Variants in ELAPOR2 observed in about 807,000 individuals in gnomAD.
The protein encoded by ELAPOR2 is endosome/lysosome-associated apoptosis and autophagy regulator family member 2.
ELAPOR2 carries 89 observed loss-of-function variants against 120.7 expected under a neutral mutation model. The observed-to-expected ratio is 0.74, with a 90% CI of 0.62 to 0.88. ELAPOR2 has a LOEUF of 0.88. ELAPOR2 is among the 40% of genes least tolerant of loss of function. The pLI is 0.00. For synonymous variants in ELAPOR2, 444 were observed against 444.9 expected, an observed-to-expected ratio of 1.00 and a Z score of 0.03; for missense variants, 1,134 against 1,251.6, an observed-to-expected ratio of 0.91 and a Z score of 1.42.
chr7:87,053,576 T>C (rs1795178216), intron 1 of ELAPOR2, among the ~76,000 whole-genome samples: 1 of 152,108 alleles, frequency 6.6e-6, no homozygotes, highest in African/African-American at 2.4e-5. Flanking sequence ...TTTAGCTGGG[T>C]GCCCTTGGAG....
chr7:86,921,779 G>A (rs538400812), intron 10 of ELAPOR2, among the ~76,000 whole-genome samples: 1 of 152,188 alleles, frequency 6.6e-6, no homozygotes, highest in East Asian at 1.9e-4. Flanking sequence ...AAAGACACAC[G>A]CAGGGTAATG....
At chr7:87,053,163 T>C (rs1451440283) in intron 1 of ELAPOR2, among the ~76,000 whole-genome samples, 1 of 152,182 alleles carries the variant, frequency 6.6e-6, no homozygotes, top group Non-Finnish European at 1.5e-5. Context: ...TGATTAGAAT[T>C]AAATGTACCA....
chr7:86,893,117 A>G lies in ELAPOR2; in HGVS notation c.2686-17T>C, dbSNP rs1321750517. On this transcript the variant is annotated splice_polypyrimidine_tract_variant and intron_variant, in intron 19 of 21. Transcript: ENST00000450689. ...CAAGGTTTCCTTTAAAAAAAAAAAC[A>G]TAAAACCATAGAAGACATGAGAAAT... 6 of 1,491,662 alleles carry G rather than the reference A, an allele frequency of 4.0e-6. No individual in the cohort carries two copies. Among genetic ancestry groups the G allele is most frequent in the Non-Finnish European group, 5.4e-6 (6 of 1,114,176 alleles). The allele number at this position is 1,491,662 out of a possible 1,614,324, so 92.4% of individuals were successfully genotyped here. A position where few individuals can be genotyped will look rare whatever the true frequency, so the allele number is the denominator to read the frequency against.
intron 2 of ELAPOR2, among the ~76,000 whole-genome samples, chr7:86,949,537 C>T (rs1304539372): frequency 6.6e-6 from 1 of 152,156 alleles, no homozygotes; most frequent in East Asian, 1.9e-4. Context: ...AGGAGCTCCA[C>T]CATCCTGAGC....
At chr7:87,055,551 T>G (rs533165901) in intron 1 of ELAPOR2, among the ~76,000 whole-genome samples, 71 of 152,274 alleles carry the variant, frequency 4.7e-4, no homozygotes, top group Non-Finnish European at 9.0e-4. Context: ...ATCTGTGCTC[T>G]TCACCTGAAA....
intron 1 of ELAPOR2, among the ~76,000 whole-genome samples, chr7:87,038,101 A>T (rs1254371091): frequency 6.6e-6 from 1 of 152,256 alleles, no homozygotes. Context: ...ATGAATAGTC[A>T]TGAAATATCT....
chr7:86,904,223 C>T (rs1395071595), intron 18 of ELAPOR2, among the ~76,000 whole-genome samples: 2 of 152,060 alleles, frequency 1.3e-5, no homozygotes, highest in Non-Finnish European at 2.9e-5. Flanking sequence ...TTTAATAAGG[C>T]CTTTTTATAC....
chr7:87,002,534 C>T lies in ELAPOR2; in HGVS notation c.190-37510G>A, dbSNP rs1416157260. The stretch of plus-strand genomic sequence containing the variant: ...TCTTAGAGTAGGCAAAGGATGCTAC[C>T]AGGCATCATTTCCTCCATGAAGGCA... On this transcript the variant is annotated intron_variant, in intron 1 of 21. Transcript: ENST00000450689. 4.6e-5 allele frequency among the ~76,000 whole-genome samples: 7 copies of T among 152,048 alleles called. No homozygotes were observed. In the East Asian group the frequency reaches 1.2e-3, roughly 25 times the overall value.
intron 1 of ELAPOR2, among the ~76,000 whole-genome samples, chr7:87,044,545 G>T (rs1332433492): frequency 6.8e-6 from 1 of 146,562 alleles, no homozygotes; most frequent in Admixed American, 6.8e-5. Flanking sequence ...GGGAAAACTG[G>T]CTAGCCATAT....
chr7:86,966,891 T>C (rs551512759), intron 1 of ELAPOR2, among the ~76,000 whole-genome samples: 102 of 152,260 alleles, frequency 6.7e-4, no homozygotes, highest in African/African-American at 2.4e-3. Flanking sequence ...TGTGGTACCA[T>C]TGCCTTCTCC....
chr7:86,880,536 A>G lies in ELAPOR2; in HGVS notation c.3031-6T>C. The G allele has an allele frequency of 6.4e-7, 1 of 1,561,126 alleles. No individual in the cohort carries two copies. ...TCAAAATGGTCTTCTTTTTCCTAAG[A>G]AAAAATATTAAAGACAAAATCAACT... On this transcript the variant is annotated splice_region_variant and splice_polypyrimidine_tract_variant and intron_variant, in intron 21 of 21. Coordinates refer to ENST00000450689, the MANE Select transcript of ELAPOR2 (RefSeq NM_001142749.3).
chr7:86,938,275 C>A lies in ELAPOR2; in HGVS notation c.1001-61G>T, dbSNP rs1790648893. 3.9e-6 allele frequency: 5 copies of A among 1,266,778 alleles called. No individual in the cohort carries two copies. In the Admixed American group the frequency reaches 8.8e-5, roughly 22 times the overall value. The allele number at this position is 1,266,778 out of a possible 1,614,324, so 78.5% of individuals were successfully genotyped here. On this transcript the variant is annotated intron_variant, in intron 7 of 21. Coordinates refer to ENST00000450689, the MANE Select transcript of ELAPOR2 (RefSeq NM_001142749.3). Reference sequence around the variant, plus strand: ...ATTATTTTGCAACTCTAAGAAAAGGCAAAAAAGCAAAACAGAAAAAGCAAC... The same window carrying A: ...ATTATTTTGCAACTCTAAGAAAAGGAAAAAAAGCAAAACAGAAAAAGCAAC...
intron 1 of ELAPOR2, among the ~76,000 whole-genome samples, chr7:87,009,926 G>A (rs773593522): frequency 2.6e-5 from 4 of 152,080 alleles, no homozygotes; most frequent in African/African-American, 9.7e-5. Context: ...TTTAAAATCT[G>A]TATATAAAAT....
At chr7:86,955,734 C>A (rs1176950898) in intron 2 of ELAPOR2, among the ~76,000 whole-genome samples, 2 of 151,972 alleles carry the variant, frequency 1.3e-5, no homozygotes, top group Non-Finnish European at 2.9e-5. Context: ...TGATCCAAAC[C>A]ATCCCAATTC....
intron 18 of ELAPOR2, among the ~76,000 whole-genome samples, chr7:86,906,894 T>A (rs566278736): frequency 3.6e-4 from 54 of 151,916 alleles, no homozygotes; most frequent in African/African-American, 1.2e-3. Context: ...TAATAATTTT[T>A]AAAATAAAAT....
intron 1 of ELAPOR2, among the ~76,000 whole-genome samples, chr7:87,027,646 T>C (rs1260367846): frequency 1.3e-5 from 2 of 152,040 alleles, no homozygotes; most frequent in Non-Finnish European, 2.9e-5. Flanking sequence ...GAGATAAGCA[T>C]AGAGTGAGGA....
In ELAPOR2 at chr7:87,023,329, C is replaced by T. The variant is rs569545758; in HGVS notation, c.189+35996G>A. 7.0e-3 allele frequency among the ~76,000 whole-genome samples: 1,069 copies of T among 152,310 alleles called. 16 individuals are homozygous for T. The highest frequency in any genetic ancestry group is 0.024 in the African/African-American group (1,014 of 41,562). The stretch of plus-strand genomic sequence containing the variant: ...CCATTTATTAAATAGGGAATCCTTT[C>T]CCCATTTCTTGTTTTTGTCAGGTTT... On this transcript the variant is annotated intron_variant, in intron 1 of 21. Transcript: ENST00000450689.
intron 2 of ELAPOR2, among the ~76,000 whole-genome samples, chr7:86,953,837 C>T (rs1364741696): frequency 2.0e-5 from 3 of 152,192 alleles, no homozygotes; most frequent in East Asian, 3.9e-4. Context: ...TTAACAGTGG[C>T]CTCAAGTATT....
intron 12 of ELAPOR2, among the ~76,000 whole-genome samples, chr7:86,918,141 C>T (rs780256667): frequency 8.0e-5 from 12 of 150,130 alleles, no homozygotes; most frequent in Non-Finnish European, 1.2e-4. Flanking sequence ...CTGCTGGTGA[C>T]GTTTTTATGA....
Sources: gnomAD v4.1 joint callset for allele counts (sites outside exome capture counted in the v4.1 genomes callset) on GRCh38, gnomAD v4.1.1 for gene constraint, MANE v1.5 for transcripts, NCBI Gene and HGNC (gene_info 2026-07-23, HGNC 2026-07-21) for gene names.